NCAM1: variants seen among roughly 807,000 people sequenced by gnomAD.
The protein encoded by NCAM1 is neural cell adhesion molecule 1.
In NCAM1, 14 loss-of-function variants were observed where a neutral mutation model predicts 109.8. That is an observed-to-expected ratio of 0.13 (90% CI 0.08 to 0.20). NCAM1 has a LOEUF of 0.20. Ranked by LOEUF, NCAM1 falls within the 10% of genes least tolerant of loss-of-function variation. The probability of loss-of-function intolerance (pLI) is 1.00; values close to 1 mark genes in which losing one functional copy is unlikely to be tolerated. For synonymous variants in NCAM1, 418 were observed against 442.9 expected (o/e 0.94, Z 0.70); for missense variants, 774 against 1,109.9 (o/e 0.70, Z 4.30).
At chr11:113,027,388 C>T (rs1480824165) in intron 1 of NCAM1, among the ~76,000 whole-genome samples, 2 of 152,170 alleles carry the variant, frequency 1.3e-5, no homozygotes, top group Non-Finnish European at 2.9e-5. Context: ...AGATAACACA[C>T]AACAATGGTG....
At chr11:113,033,664 A>G (rs1044831130) in intron 1 of NCAM1, among the ~76,000 whole-genome samples, 1 of 152,146 alleles carries the variant, frequency 6.6e-6, no homozygotes, top group Non-Finnish European at 1.5e-5. Flanking sequence ...CTGTCTTTTA[A>G]AGGGATATGT....
chr11:113,147,203 C>A (rs557619507), intron 1 of NCAM1, among the ~76,000 whole-genome samples: 3 of 152,314 alleles, frequency 2.0e-5, no homozygotes, highest in Non-Finnish European at 2.9e-5. Flanking sequence ...TGTCTGAATT[C>A]TTTTTCCTTT....
chr11:112,998,682 T>C (rs1940701), intron 1 of NCAM1, among the ~76,000 whole-genome samples: 68,432 of 151,718 alleles, frequency 0.45, 16,295 homozygotes, highest in East Asian at 0.8. Context: ...TTTCTCCCAG[T>C]TTCAGTTACC....
chr11:113,186,254 G>A (rs58021667), intron 1 of NCAM1, among the ~76,000 whole-genome samples: 13,036 of 152,210 alleles, frequency 0.086, 1,760 homozygotes, highest in African/African-American at 0.29. Context: ...TCTGCCTCCT[G>A]TCAGTTCAGC....
Position 113,277,682 on chromosome 11 carries a change from T to C in NCAM1, c.*2295T>C, listed in dbSNP as rs1242534976. 1 of 353,452 alleles carries C rather than the reference T, an allele frequency of 2.8e-6. No individual in the cohort carries two copies. Among genetic ancestry groups the C allele is most frequent in the Non-Finnish European group, 5.0e-6 (1 of 198,050 alleles). 21.9% of individuals were successfully genotyped at this position (353,452 alleles called of 1,614,324 possible). On this transcript the variant is annotated 3_prime_UTR_variant, in exon 20 of 20. Coordinates refer to ENST00000316851, the MANE Select transcript of NCAM1 (RefSeq NM_181351.5). ...GGTTAGGTCAAACTGGTTTTGGTTCTGATGGTTAGGAAGAAACAGGTCAGC... is the reference window on the plus strand; with the variant it reads ...GGTTAGGTCAAACTGGTTTTGGTTCCGATGGTTAGGAAGAAACAGGTCAGC...
intron 1 of NCAM1, among the ~76,000 whole-genome samples, chr11:113,181,537 G>A (rs1943331380): frequency 1.3e-5 from 2 of 152,268 alleles, no homozygotes; most frequent in South Asian, 2.1e-4. Context: ...ACTGGGGGAC[G>A]GAGAGCATCA....
At chr11:112,979,990 TA>T (rs1272955183) in intron 1 of NCAM1, among the ~76,000 whole-genome samples, 1 of 151,638 alleles carries the variant, frequency 6.6e-6, no homozygotes, top group African/African-American at 2.4e-5. Context: ...AAACACTCAT[TA>T]AATAAGGAAT....
rs199567425 is a variant in NCAM1 at position 113,235,133 on chromosome 11, C to T, written c.1794C>T (p.Ser598=). ...ALNGKGLGEI[S]AASEFKTQPV... ...ATGGCAAAGGGCTGGGTGAGATCAG[C>T]GCGGCCTCCGAGTTCAAGACGCAGC... Residue 598 remains serine, a synonymous_variant, in exon 14 of 20, where the codon AGC becomes AGT. Coordinates refer to ENST00000316851, the MANE Select transcript of NCAM1 (RefSeq NM_181351.5). The T allele has an allele frequency of 2.1e-4, 342 of 1,612,984 alleles. No individual in the cohort carries two copies. Among genetic ancestry groups the T allele is most frequent in the Non-Finnish European group, 2.6e-4 (309 of 1,179,512 alleles).
At chr11:113,113,559 A>G (rs1245565066) in intron 1 of NCAM1, among the ~76,000 whole-genome samples, 3 of 152,166 alleles carry the variant, frequency 2.0e-5, no homozygotes, top group African/African-American at 7.2e-5. Flanking sequence ...TGTCCCATCA[A>G]TAGGCTCTCA....
chr11:113,226,337 C>A (rs12419667), intron 9 of NCAM1, among the ~76,000 whole-genome samples: 12,578 of 152,140 alleles, frequency 0.083, 639 homozygotes, highest in East Asian at 0.2. Flanking sequence ...ACAAAGAAGG[C>A]CATTACATAA....
chr11:113,039,489 G>A (rs1374507302), intron 1 of NCAM1, among the ~76,000 whole-genome samples: 3 of 152,140 alleles, frequency 2.0e-5, no homozygotes, highest in African/African-American at 7.2e-5. Flanking sequence ...GTCATCTCAA[G>A]AACCAAATTA....
chr11:113,016,228 C>T (rs891082361), intron 1 of NCAM1, among the ~76,000 whole-genome samples: 5 of 152,156 alleles, frequency 3.3e-5, no homozygotes, highest in African/African-American at 9.7e-5. Context: ...CTGGCCACCC[C>T]GTTTCATCCT....
At chr11:113,150,192 C>A (rs1488588123) in intron 1 of NCAM1, among the ~76,000 whole-genome samples, 2 of 152,060 alleles carry the variant, frequency 1.3e-5, no homozygotes, top group African/African-American at 4.8e-5. Context: ...TAGGAAAGAC[C>A]AATTTTGGTG....
chr11:113,057,184 C>T (rs1467531390), intron 1 of NCAM1, among the ~76,000 whole-genome samples: 1 of 152,106 alleles, frequency 6.6e-6, no homozygotes, highest in African/African-American at 2.4e-5. Context: ...GACTTCCTAG[C>T]AGCAGAGACA....
intron 1 of NCAM1, among the ~76,000 whole-genome samples, chr11:113,049,294 A>G (rs1591281856): frequency 6.6e-6 from 1 of 151,976 alleles, no homozygotes; most frequent in South Asian, 2.1e-4. Flanking sequence ...CCTGGCCTTC[A>G]CTCCAAGCTG....
intron 1 of NCAM1, among the ~76,000 whole-genome samples, chr11:112,984,842 C>T (rs1441765753): frequency 6.6e-6 from 1 of 151,830 alleles, no homozygotes; most frequent in Non-Finnish European, 1.5e-5. Flanking sequence ...TCTCCCAACC[C>T]ATAGACTTCC....
chr11:113,015,727 TC>T (rs1203576309), intron 1 of NCAM1, among the ~76,000 whole-genome samples: 2 of 151,012 alleles, frequency 1.3e-5, no homozygotes, highest in Non-Finnish European at 2.9e-5. Flanking sequence ...AGAGACTCCA[TC>T]TAAAAAAAAA....
chr11:113,204,551 A>G (rs782416336), intron 3 of NCAM1, 47 bp downstream of exon 3: 2 of 1,575,614 alleles, frequency 1.3e-6, no homozygotes, highest in African/African-American at 2.7e-5. Flanking sequence ...CTCCTTGCCA[A>G]GGAGACATGT....
intron 1 of NCAM1, among the ~76,000 whole-genome samples, chr11:113,102,261 G>GA (rs1377786077): frequency 6.6e-6 from 1 of 152,082 alleles, no homozygotes; most frequent in Admixed American, 6.6e-5. Flanking sequence ...TTGTCTTACA[G>GA]AAAAAAATGG....
Sources: gnomAD v4.1 joint callset for allele counts (sites outside exome capture counted in the v4.1 genomes callset) on GRCh38, gnomAD v4.1.1 for gene constraint, MANE v1.5 for transcripts, NCBI Gene and HGNC (gene_info 2026-07-23, HGNC 2026-07-21) for gene names.